Variants in FOXM1 observed in about 807,000 individuals in gnomAD.
FOXM1 encodes forkhead box M1.
In FOXM1, 25 loss-of-function variants were observed where a neutral mutation model predicts 63.6. The ratio of observed to expected loss-of-function variants is 0.39; its 90% CI spans 0.29 to 0.55. The LOEUF (loss-of-function observed/expected upper bound fraction) is 0.55. FOXM1 is among the 20% of genes least tolerant of loss of function. The pLI, the probability that FOXM1 is intolerant of heterozygous loss-of-function variation, is 0.60. For missense variants in FOXM1, 879 were observed against 958.7 expected, an observed-to-expected ratio of 0.92 and a Z score of 1.10; for synonymous variants, 387 against 376.9, an observed-to-expected ratio of 1.03 and a Z score of -0.31.
In FOXM1 at chr12:2,858,866, G is replaced by A. The variant is rs1444839205; in HGVS notation, c.2064C>T (p.Pro688=). 2 of 1,614,186 alleles carry A rather than the reference G, an allele frequency of 1.2e-6. No homozygotes were observed. Among genetic ancestry groups the A allele is most frequent in the Non-Finnish European group, 1.7e-6 (2 of 1,180,036 alleles). Residue 688 remains proline (P), a synonymous_variant, in exon 9 of 9, where the codon CCC becomes CCT. Coordinates refer to ENST00000359843, the MANE Select transcript of FOXM1 (RefSeq NM_021953.4). ...SSEPLDLISV[P]FGNSSPSDID... is the part of the protein sequence containing the mutation. ...TATCTGAGGGAGAAGAGTTGCCAAA[G>A]GGGACGGAGATGAGGTCTAAGGGTT...
chr12:2,872,539 A>G lies in FOXM1; in HGVS notation c.503-292T>C, dbSNP rs60337552. Among the ~76,000 whole-genome samples the G allele has an allele frequency of 0.052, 7,865 of 152,126 alleles. 670 individuals carry two copies. Among genetic ancestry groups the G allele is most frequent in the African/African-American group, 0.18 (7,360 of 41,488 alleles). Reference sequence around the variant, plus strand: ...CAGGAGAATTGCTCGAACCCGGGAGACGAAGGCTGCAGTGAGCCAACATTG... The same window carrying G: ...CAGGAGAATTGCTCGAACCCGGGAGGCGAAGGCTGCAGTGAGCCAACATTG... On this transcript the variant is annotated intron_variant, in intron 2 of 8. Transcript: ENST00000359843. The surrounding 1 kb of genome is among the most constrained non-coding windows in gnomAD (Gnocchi z 4.0).
At chr12:2,863,529 C>G (rs974716457) in intron 8 of FOXM1, among the ~76,000 whole-genome samples, 1 of 151,702 alleles carries the variant, frequency 6.6e-6, no homozygotes, top group Non-Finnish European at 1.5e-5. Context: ...GCTGGTACCA[C>G]AGGCATGTAC....
Position 2,875,674 on chromosome 12 carries a change from C to T in FOXM1, c.-47-1149G>A, listed in dbSNP as rs923416638. Among the ~76,000 whole-genome samples, 7 of 151,160 alleles carry T rather than the reference C, an allele frequency of 4.6e-5. 1 individual carries two copies. Among genetic ancestry groups the T allele is most frequent in the Admixed American group, 2.0e-4 (3 of 15,200 alleles). ...TATAACCCCTGTCTTCTTAGTACCA[C>T]AATGAGCTATCATCATTACACTAAG... On this transcript the variant is annotated intron_variant, in intron 1 of 8. Coordinates refer to ENST00000359843, the MANE Select transcript of FOXM1 (RefSeq NM_021953.4).
In FOXM1 at chr12:2,874,132, G is replaced by A. The variant is rs767659718; in HGVS notation, c.347C>T (p.Thr116Ile). The A allele has an allele frequency of 3.1e-6, 5 of 1,614,204 alleles. No homozygotes were observed. In the South Asian group the frequency reaches 4.4e-5, roughly 14 times the overall value. Residue 116 changes from threonine to isoleucine, a missense_variant, in exon 2 of 9, where the codon ACT (threonine) becomes ATT (isoleucine). By Grantham distance (89) the Thr-to-Ile change is moderately conservative (BLOSUM62 -1). This residue lies in a region of FOXM1 where 255 missense variants were observed against 292.4 expected (regional missense o/e 0.87). Coordinates refer to ENST00000359843, the MANE Select transcript of FOXM1 (RefSeq NM_021953.4). The surrounding 1 kb of genome is among the most constrained non-coding windows in gnomAD (Gnocchi z 4.3). Reference sequence around the variant, plus strand: ...TTGAGGCCGGAGTCCTGGAGGCTGAGTTGGGGCTCCCCCACAGCTGATGAG... The same window carrying A: ...TTGAGGCCGGAGTCCTGGAGGCTGAATTGGGGCTCCCCCACAGCTGATGAG... ...FILISCGGAP[T>I]QPPGLRPQTQ...
Position 2,872,372 on chromosome 12 carries a change from G to A in FOXM1, c.503-125C>T. 5.4e-6 allele frequency: 5 copies of A among 925,260 alleles called. No homozygotes were observed. Among genetic ancestry groups the A allele is most frequent in the Non-Finnish European group, 8.2e-6 (5 of 610,562 alleles). The allele number at this position is 925,260 out of a possible 1,614,324, so 57.3% of individuals were successfully genotyped here. ...CACCTGTAATCCTAGCACTTTGGGA[G>A]GGCGAGGCGGGTGGATCTCCTGAGG... On this transcript the variant is annotated intron_variant, in intron 2 of 8. Coordinates refer to ENST00000359843, the MANE Select transcript of FOXM1 (RefSeq NM_021953.4). The surrounding 1 kb of genome is among the most constrained non-coding windows in gnomAD (Gnocchi z 4.0).
intron 8 of FOXM1, 125 bp from the exon 9 acceptor site, chr12:2,859,788 A>C: frequency 2.8e-6 from 2 of 704,584 alleles, no homozygotes; most frequent in Non-Finnish European, 4.6e-6. Context: ...ATATGAGAAT[A>C]CGATGTATGT....
chr12:2,870,073 C>G (rs2098130337), intron 3 of FOXM1, among the ~76,000 whole-genome samples: 1 of 151,288 alleles, frequency 6.6e-6, no homozygotes, highest in Non-Finnish European at 1.5e-5. Context: ...TCACCGCAAG[C>G]TCTGCCTCCT....
chr12:2,862,037 G>C (rs1232874926), intron 8 of FOXM1, among the ~76,000 whole-genome samples: 2 of 152,098 alleles, frequency 1.3e-5, no homozygotes, highest in Non-Finnish European at 2.9e-5. Flanking sequence ...AAATTAGCTG[G>C]GCGTGGTGAC....
intron 4 of FOXM1, among the ~76,000 whole-genome samples, chr12:2,866,937 G>A (rs1409812598): frequency 6.6e-6 from 1 of 152,176 alleles, no homozygotes; most frequent in Non-Finnish European, 1.5e-5. Flanking sequence ...TGGATCACTT[G>A]AGGCCAGGAG....
At chr12:2,865,257 C>T in intron 6 of FOXM1, 98 bp downstream of exon 6, 1 of 1,142,188 alleles carries the variant, frequency 8.8e-7, no homozygotes, top group Non-Finnish European at 1.3e-6. Flanking sequence ...CCATAGGGAC[C>T]CTTCCCCACA....
intron 4 of FOXM1, 123 bp from the exon 5 acceptor site, chr12:2,866,644 G>A: frequency 9.8e-7 from 1 of 1,022,382 alleles, no homozygotes; most frequent in South Asian, 2.3e-5. Flanking sequence ...TTCGTCTGGT[G>A]TCTTTGCAGC....
At position 2,858,713 on chromosome 12, in the gene FOXM1, G is replaced by C. The variant is rs1165128826; in HGVS notation, c.2217C>G (p.Ser739Arg). Residue 739 changes from serine to arginine, a missense_variant, in exon 9 of 9, where the codon AGC (serine) becomes AGG (arginine). Ser to Arg is a moderately radical substitution (Grantham distance 110, BLOSUM62 -1). Coordinates refer to ENST00000359843, the MANE Select transcript of FOXM1 (RefSeq NM_021953.4). Reference sequence around the variant, plus strand: ...GTGGGTCCTCGTCCAGGCCAGGAAAGCTGATGTCCAGCAGGATCTTGCTGA... The same window carrying C: ...GTGGGTCCTCGTCCAGGCCAGGAAACCTGATGTCCAGCAGGATCTTGCTGA... The part of the protein sequence containing the change: ...DSLSKILLDI[S>R]FPGLDEDPLG... 5.6e-6 allele frequency: 9 copies of C among 1,614,078 alleles called. No homozygotes were observed.
chr12:2,874,014 T>G lies in FOXM1; in HGVS notation c.465A>C (p.Pro155=). ...PAARDVNLPR[P]PGALCEQKRE... ...GTTTCTGCTCGCAAAGGGCTCCAGG[T>G]GGTCTAGGAAGATTCACATCCCTAG... The change falls in exon 2 of 9, where the codon CCA becomes CCC. Residue 155 remains proline, a synonymous_variant. Transcript: ENST00000359843. This position sits in a 1 kb window ranked among gnomAD's most constrained non-coding sequence, Gnocchi z 4.3. 3 of 1,613,696 alleles carry G rather than the reference T, an allele frequency of 1.9e-6. No individual in the cohort carries two copies. Among genetic ancestry groups the G allele is most frequent in the Non-Finnish European group, 2.5e-6 (3 of 1,179,768 alleles).
At position 2,864,080 on chromosome 12, in the gene FOXM1, T is replaced by C; in HGVS notation, c.1266+240A>G. ...TCCTAGCCCATCTATCACAATCACT[T>C]TTGTCTGAATTCTTACAAGCTCATC... On this transcript the variant is annotated intron_variant, in intron 8 of 8. Transcript: ENST00000359843. This position sits in a 1 kb window ranked among gnomAD's most constrained non-coding sequence, Gnocchi z 5.1. 2.1e-6 allele frequency: 1 copy of C among 465,418 alleles called. No homozygotes were observed. The highest frequency in any genetic ancestry group is 3.9e-6 in the Non-Finnish European group (1 of 258,590). The allele number at this position is 465,418 out of a possible 1,614,324, so 28.8% of individuals were successfully genotyped here. A position where few individuals can be genotyped will look rare whatever the true frequency, so the allele number is the denominator to read the frequency against.
At position 2,873,558 on chromosome 12, in the gene FOXM1, T is replaced by C. The variant is rs147476749; in HGVS notation, c.502+419A>G. 4.0e-5 allele frequency among the ~76,000 whole-genome samples: 6 copies of C among 151,776 alleles called. No homozygotes were observed. In the East Asian group the frequency reaches 1.2e-3, roughly 29 times the overall value. ...TGAGACCCCTTCTTCATTTATTTATTTTTGAGACCCCTTCTTTTTTCATTT... is the reference window on the plus strand; with the variant it reads ...TGAGACCCCTTCTTCATTTATTTATCTTTGAGACCCCTTCTTTTTTCATTT... On this transcript the variant is annotated intron_variant, in intron 2 of 8. Coordinates refer to ENST00000359843, the MANE Select transcript of FOXM1 (RefSeq NM_021953.4).
At chr12:2,862,061 C>T (rs146788556) in intron 8 of FOXM1, among the ~76,000 whole-genome samples, 15 of 152,030 alleles carry the variant, frequency 9.9e-5, no homozygotes, top group African/African-American at 3.4e-4. Flanking sequence ...CGCCTGTGAT[C>T]GCAGCTACTC....
At chr12:2,876,736 G>C (rs2098144930) in intron 1 of FOXM1, among the ~76,000 whole-genome samples, 184 bp downstream of exon 1, 1 of 152,216 alleles carries the variant, frequency 6.6e-6, no homozygotes, top group Non-Finnish European at 1.5e-5. Flanking sequence ...GCAGTGAGAA[G>C]GCCACGGCCA....
In FOXM1 at chr12:2,864,843, T is replaced by C; in HGVS notation, c.1021-91A>G. 7.2e-7 allele frequency: 1 copy of C among 1,381,132 alleles called. No individual in the cohort carries two copies. The highest frequency in any genetic ancestry group is 1.0e-6 in the Non-Finnish European group (1 of 969,954). 85.6% of individuals were successfully genotyped at this position (1,381,132 alleles called of 1,614,324 possible). A position where few individuals can be genotyped will look rare whatever the true frequency, so the allele number is the denominator to read the frequency against. ...AAAACCCCACCAGCTGCTCTGGTGG[T>C]GTGTGCTTGAGTTAATGACAGCCCA... On this transcript the variant is annotated intron_variant, in intron 6 of 8. Coordinates refer to ENST00000359843, the MANE Select transcript of FOXM1 (RefSeq NM_021953.4). The surrounding 1 kb of genome is among the most constrained non-coding windows in gnomAD (Gnocchi z 5.1).
At chr12:2,875,908 G>A (rs927272191) in intron 1 of FOXM1, among the ~76,000 whole-genome samples, 137 of 149,148 alleles carry the variant, frequency 9.2e-4, no homozygotes, top group Non-Finnish European at 1.8e-3. Context: ...TTACAGGCAT[G>A]CACCACCATG....
Sources: allele counts gnomAD v4.1 joint callset (sites outside exome capture counted in the v4.1 genomes callset), GRCh38; gene constraint gnomAD v4.1.1; regional missense constraint gnomAD v4.1.1; non-coding constraint Gnocchi (gnomAD v3.1); transcripts MANE v1.5; gene names NCBI Gene and HGNC (gene_info 2026-07-23, HGNC 2026-07-21).